GTPBP4: variants seen among roughly 807,000 people sequenced by gnomAD.
GTPBP4 encodes the protein GTP binding protein 4, also known as GTP-binding protein 4.
GTPBP4 carries 15 observed loss-of-function variants against 81.7 expected under a neutral mutation model. The observed-to-expected ratio is 0.18, with a 90% confidence interval of 0.12 to 0.28. The LOEUF is 0.28. Among genes scored for constraint, GTPBP4 ranks in the 10% least tolerant of loss-of-function variants. The pLI, the probability that GTPBP4 is intolerant of heterozygous loss-of-function variation, is 1.00. For missense variants in GTPBP4, 847 were observed against 793.8 expected, an observed-to-expected ratio of 1.07 and a Z score of -0.81; for synonymous variants, 272 against 274.6, an observed-to-expected ratio of 0.99 and a Z score of 0.09.
Position 999,052 on chromosome 10 carries a change from C to G in GTPBP4, c.611C>G (p.Ser204Cys). ...DVQPYAFTTKSLFVGHMDYKY... is the reference protein window; with the variant it reads ...DVQPYAFTTKCLFVGHMDYKY... ...CAGCCCTATGCGTTCACAACCAAGT[C>G]TCTGTTTGTTGGGCACATGGATTAT... Residue 204 changes from serine to cysteine, a missense_variant, in exon 6 of 17, where the codon TCT becomes TGT. Transcript: ENST00000360803. The G allele has an allele frequency of 6.2e-7, 1 of 1,608,168 alleles. No individual in the cohort carries two copies. Among genetic ancestry groups the G allele is most frequent in the Non-Finnish European group, 8.5e-7 (1 of 1,174,534 alleles).
Position 1,019,352 on chromosome 10 carries a change from G to A in GTPBP4, c.*2125G>A, listed in dbSNP as rs1832047053. 1 of 565,250 alleles carries A rather than the reference G, an allele frequency of 1.8e-6. No homozygotes were observed. The allele number at this position is 565,250 out of a possible 1,614,324, so 35.0% of individuals were successfully genotyped here. A position where few individuals can be genotyped will look rare whatever the true frequency, so the allele number is the denominator to read the frequency against. On this transcript the variant is annotated 3_prime_UTR_variant, in exon 17 of 17. Transcript: ENST00000360803. Reference sequence around the variant, plus strand: ...TATGGAAATAAGGAAAAGGGAAAATGAAGATATGACAAAGTTGATGAAAAG... The same window carrying A: ...TATGGAAATAAGGAAAAGGGAAAATAAAGATATGACAAAGTTGATGAAAAG...
At chr10:1,013,276 G>A (rs910785769) in intron 14 of GTPBP4, among the ~76,000 whole-genome samples, 1 of 146,680 alleles carries the variant, frequency 6.8e-6, no homozygotes, top group Admixed American at 6.8e-5. Context: ...GAGCCACCAC[G>A]CCCGGCTGGT....
Position 1,007,105 on chromosome 10 carries a change from A to T in GTPBP4, c.1090A>T (p.Ile364Phe). 1 of 1,602,236 alleles carries T rather than the reference A, an allele frequency of 6.2e-7. No homozygotes were observed. The highest frequency in any genetic ancestry group is 8.6e-7 in the Non-Finnish European group (1 of 1,169,112). Residue 364 changes from isoleucine to phenylalanine, a missense_variant, in exon 10 of 17, where the codon ATC (isoleucine) becomes TTC (phenylalanine). By Grantham distance (21) the Ile-to-Phe change is conservative. Transcript: ENST00000360803. ...NEVLNRLHLAIPTRRDDKERP... is the reference protein window; with the variant it reads ...NEVLNRLHLAFPTRRDDKERP... ...GGTGCTGAATAGACTGCACCTGGCT[A>T]TCCCAACCAGGAGGGACGATAAGGT...
intron 13 of GTPBP4, among the ~76,000 whole-genome samples, chr10:1,011,004 C>CACCCCGAGACTCTGGTGGAGATG: frequency 8.1e-6 from 1 of 124,006 alleles, no homozygotes; most frequent in Admixed American, 8.6e-5. Context: ...CCACCTTCCC[C>CACCCCGAGACTCTGGTGGAGATG]CCCACCCTGT....
At position 996,050 on chromosome 10, in the gene GTPBP4, G is replaced by C. The variant is rs940844214; in HGVS notation, c.323+18G>C. On this transcript the variant is annotated intron_variant, in intron 3 of 16. Coordinates refer to ENST00000360803, the MANE Select transcript of GTPBP4 (RefSeq NM_012341.3). ...GTGGACAAGTAAGGTACTTTTTTCT[G>C]TAGTGTCTTTTAAGTTATCGAAAGT... The C allele has an allele frequency of 1.3e-6, 2 of 1,588,430 alleles. No individual in the cohort carries two copies. The highest frequency in any genetic ancestry group is 1.7e-5 in the Admixed American group (1 of 59,270).
intron 8 of GTPBP4, among the ~76,000 whole-genome samples, chr10:1,004,341 C>T (rs1053332423): frequency 6.6e-6 from 1 of 152,042 alleles, no homozygotes; most frequent in East Asian, 1.9e-4. Context: ...GGTGACTCTG[C>T]AGCTCAGAAT....
chr10:1,001,457 G>A (rs561840755), intron 8 of GTPBP4, among the ~76,000 whole-genome samples: 1 of 152,322 alleles, frequency 6.6e-6, no homozygotes, highest in South Asian at 2.1e-4. Context: ...CTTTCTCCAA[G>A]AGGCAGGCAG....
chr10:991,428 C>A (rs1414545567), intron 1 of GTPBP4, among the ~76,000 whole-genome samples: 7 of 152,196 alleles, frequency 4.6e-5, no homozygotes, highest in African/African-American at 1.7e-4. Flanking sequence ...ACTCTTTGCA[C>A]TGGGTAACTC....
intron 10 of GTPBP4, chr10:1,007,441 T>G: frequency 4.2e-6 from 1 of 237,170 alleles, no homozygotes; most frequent in Non-Finnish European, 8.3e-6. Flanking sequence ...TTCTTTAAAT[T>G]TTCATTTTTT....
intron 2 of GTPBP4, among the ~76,000 whole-genome samples, chr10:995,175 AATCT>A (rs1239592873): frequency 6.6e-6 from 1 of 152,220 alleles, no homozygotes; most frequent in African/African-American, 2.4e-5. Flanking sequence ...ACGACATTTA[AATCT>A]ATCTGAGATC....
In GTPBP4 at chr10:997,914, G is replaced by A. The variant is rs139549808; in HGVS notation, c.561+606G>A. ...GATAAGTGTAACATTTAAGGGACTCGGTCATTTGTTGCTTCAGGAAAGTTT... is the reference window on the plus strand; with the variant it reads ...GATAAGTGTAACATTTAAGGGACTCAGTCATTTGTTGCTTCAGGAAAGTTT... On this transcript the variant is annotated intron_variant, in intron 5 of 16. Coordinates refer to ENST00000360803, the MANE Select transcript of GTPBP4 (RefSeq NM_012341.3). 7.6e-4 allele frequency among the ~76,000 whole-genome samples: 115 copies of A among 152,170 alleles called. 1 individual carries two copies. The highest frequency in any genetic ancestry group is 1.0e-3 in the Non-Finnish European group (71 of 67,994).
chr10:1,012,787 TG>T (rs1402412048), intron 14 of GTPBP4, 125 bp downstream of exon 14: 3 of 655,816 alleles, frequency 4.6e-6, no homozygotes, highest in Non-Finnish European at 8.0e-6. Flanking sequence ...CTTGTTTTAT[TG>T]GTGTATGGAT....
At chr10:1,017,045 A>G (rs778712954) in intron 16 of GTPBP4, 30 bp from the exon 17 acceptor site, 10 of 1,591,444 alleles carry the variant, frequency 6.3e-6, no homozygotes, top group Non-Finnish European at 8.6e-7. Flanking sequence ...TAAGTAATGA[A>G]CATACTTTAT....
At chr10:1,011,087 TGCCTCCTGCACCTCTTCCCCCCAC>T (rs1399804519) in intron 13 of GTPBP4, among the ~76,000 whole-genome samples, 8 of 97,572 alleles carry the variant, frequency 8.2e-5, no homozygotes, top group South Asian at 6.6e-4. Context: ...ATCCTGACTG[TGCCTCCTGCACCTCTTCCCCCCAC>T]CCCGAGACTC....
chr10:1,003,720 G>A lies in GTPBP4; in HGVS notation c.913-2098G>A, dbSNP rs919269471. Reference sequence around the variant, plus strand: ...CTCAGCTCTGGAAGTTTGTGCCAGCGGTGGTGTATGTTTTTAAGGTCCTTG... The same window carrying A: ...CTCAGCTCTGGAAGTTTGTGCCAGCAGTGGTGTATGTTTTTAAGGTCCTTG... On this transcript the variant is annotated intron_variant, in intron 8 of 16. Transcript: ENST00000360803. Among the ~76,000 whole-genome samples, 5 of 152,196 alleles carry A rather than the reference G, an allele frequency of 3.3e-5. No individual in the cohort carries two copies. The South Asian group carries it at 6.2e-4, about 19-fold the overall frequency.
chr10:1,014,509 A>C (rs1239578313), intron 15 of GTPBP4, among the ~76,000 whole-genome samples, 197 bp downstream of exon 15: 2 of 152,146 alleles, frequency 1.3e-5, no homozygotes, highest in African/African-American at 4.8e-5. Flanking sequence ...AATACAAAAA[A>C]TTAGCCGGGC....
At chr10:1,003,589 C>T (rs1831676990) in intron 8 of GTPBP4, among the ~76,000 whole-genome samples, 1 of 152,104 alleles carries the variant, frequency 6.6e-6, no homozygotes, top group Non-Finnish European at 1.5e-5. Context: ...TTTACTGTGC[C>T]ATTTGGGAAG....
chr10:1,005,966 C>A, intron 9 of GTPBP4, 59 bp downstream of exon 9: 1 of 855,740 alleles, frequency 1.2e-6, no homozygotes, highest in South Asian at 1.6e-5. Context: ...TGATTCAAGT[C>A]AGTTGTGGGG....
chr10:997,416 G>A (rs1831554273), intron 5 of GTPBP4, 108 bp downstream of exon 5: 8 of 762,612 alleles, frequency 1.0e-5, no homozygotes, highest in African/African-American at 3.5e-5. Context: ...AGTGTTAACT[G>A]TATTCTGACT....
Sources: allele counts gnomAD v4.1 joint callset (sites outside exome capture counted in the v4.1 genomes callset), GRCh38; gene constraint gnomAD v4.1.1; transcripts MANE v1.5; gene names NCBI Gene and HGNC (gene_info 2026-07-23, HGNC 2026-07-21).